Variants in DAB1 observed in about 807,000 individuals in gnomAD.
The protein encoded by DAB1 is DAB adaptor protein 1.
In DAB1, 15 loss-of-function variants were observed where a neutral mutation model predicts 64.6. The observed-to-expected ratio is 0.23, with a 90% CI of 0.16 to 0.36. The LOEUF (loss-of-function observed/expected upper bound fraction) is 0.36. Ranked by LOEUF, DAB1 falls within the 10% of genes least tolerant of loss-of-function variation. DAB1 has a pLI of 1.00. For missense variants in DAB1, 596 were observed against 706.7 expected (o/e 0.84, Z 1.78); for synonymous variants, 235 against 251.9 (o/e 0.93, Z 0.64).
intron 5 of DAB1, among the ~76,000 whole-genome samples, chr1:58,047,696 A>G (rs1647330214): frequency 6.6e-6 from 1 of 152,206 alleles, no homozygotes; most frequent in South Asian, 2.1e-4. Flanking sequence ...ACGCAATTCC[A>G]TACATGTGAG....
intron 3 of DAB1, among the ~76,000 whole-genome samples, chr1:58,414,080 A>G (rs1162535541): frequency 6.6e-6 from 1 of 152,254 alleles, no homozygotes; most frequent in Non-Finnish European, 1.5e-5. Flanking sequence ...ACATATCTAA[A>G]TATAGGAAAA....
At chr1:57,871,847 A>G (rs982030332) in intron 1 of DAB1, among the ~76,000 whole-genome samples, 1 of 152,118 alleles carries the variant, frequency 6.6e-6, no homozygotes, top group African/African-American at 2.4e-5. Flanking sequence ...AACTATATGC[A>G]CTACAGGAGT....
chr1:57,200,599 G>T (rs1032845168), intron 2 of DAB1, among the ~76,000 whole-genome samples: 2 of 152,006 alleles, frequency 1.3e-5, no homozygotes, highest in Admixed American at 1.3e-4. Context: ...GTGTGGTGAG[G>T]TCTAAATGAG....
chr1:57,941,963 A>C (rs1269088444), intron 5 of DAB1, among the ~76,000 whole-genome samples: 1 of 152,250 alleles, frequency 6.6e-6, no homozygotes, highest in East Asian at 1.9e-4. Flanking sequence ...TTAACAACTT[A>C]GAACCTCAGA....
At chr1:57,300,707 G>C (rs1673573718) in intron 1 of DAB1, among the ~76,000 whole-genome samples, 1 of 152,150 alleles carries the variant, frequency 6.6e-6, no homozygotes, top group African/African-American at 2.4e-5. Context: ...ACAACCCAAG[G>C]AGGCCCGAAG....
chr1:57,893,513 G>T (rs1432672349), intron 5 of DAB1, among the ~76,000 whole-genome samples: 2 of 152,172 alleles, frequency 1.3e-5, no homozygotes, highest in Non-Finnish European at 2.9e-5. Flanking sequence ...AGGCAGCCCT[G>T]GTCCCTGCCC....
At chr1:57,029,089 A>G (rs1646885480) in intron 9 of DAB1, among the ~76,000 whole-genome samples, 2 of 152,056 alleles carry the variant, frequency 1.3e-5, no homozygotes, top group Admixed American at 1.3e-4. Flanking sequence ...AGGAGGAAAA[A>G]GTGGTTTTGT....
intron 4 of DAB1, among the ~76,000 whole-genome samples, chr1:58,245,588 C>A (rs992285293): frequency 3.3e-5 from 5 of 152,030 alleles, no homozygotes; most frequent in Non-Finnish European, 7.4e-5. Context: ...AAAAGAGAGG[C>A]AACAAAATGA....
At chr1:57,563,743 G>A (rs1645081221) in intron 7 of DAB1, among the ~76,000 whole-genome samples, 1 of 152,192 alleles carries the variant, frequency 6.6e-6, no homozygotes, top group Admixed American at 6.5e-5. Context: ...GGCTGGGGGA[G>A]GGGCACCCAC....
chr1:58,198,222 T>C (rs974501180), intron 4 of DAB1, among the ~76,000 whole-genome samples: 1 of 152,218 alleles, frequency 6.6e-6, no homozygotes, highest in South Asian at 2.1e-4. Flanking sequence ...CCACCTTTTA[T>C]AGCAAACAAC....
intron 6 of DAB1, among the ~76,000 whole-genome samples, chr1:57,785,855 T>A (rs928937959): frequency 6.6e-6 from 1 of 152,182 alleles, no homozygotes; most frequent in Non-Finnish European, 1.5e-5. Context: ...TTTGAGAGGA[T>A]CTCTCCAATT....
chr1:57,425,718 TGGGA>T (rs2101105032), upstream of DAB1, among the ~76,000 whole-genome samples: 1 of 152,260 alleles, frequency 6.6e-6, no homozygotes, highest in African/African-American at 2.4e-5. Context: ...TCCAAAAAGG[TGGGA>T]GGGAGGTCCT....
chr1:57,517,038 A>G (rs896691749), intron 7 of DAB1, among the ~76,000 whole-genome samples: 3 of 152,282 alleles, frequency 2.0e-5, no homozygotes, highest in Non-Finnish European at 4.4e-5. Context: ...TTGATATATT[A>G]TTATTTTGAT....
intron 7 of DAB1, among the ~76,000 whole-genome samples, chr1:57,567,908 A>G (rs941348656): frequency 1.1e-4 from 16 of 152,340 alleles, no homozygotes; most frequent in African/African-American, 3.8e-4. Context: ...CTTTCTTCAC[A>G]GAATTGGAAA....
chr1:57,715,768 T>A (rs2101751066), intron 6 of DAB1, among the ~76,000 whole-genome samples: 1 of 152,030 alleles, frequency 6.6e-6, no homozygotes, highest in African/African-American at 2.4e-5. Flanking sequence ...TATAAAATCA[T>A]GAAAAAAAAT....
intron 3 of DAB1, among the ~76,000 whole-genome samples, chr1:58,366,371 G>A (rs1357155820): frequency 2.0e-5 from 3 of 152,198 alleles, no homozygotes; most frequent in Non-Finnish European, 4.4e-5. Flanking sequence ...GGATCCACTA[G>A]TTATATCACA....
chr1:57,010,577 G>A (rs182338635), intron 14 of DAB1, 103 bp downstream of exon 14: 25 of 563,594 alleles, frequency 4.4e-5, no homozygotes, highest in Admixed American at 1.7e-4. Flanking sequence ...CAGGCAAGGA[G>A]ACATGGTGCA....
At chr1:57,076,255 G>A (rs899986722) in intron 4 of DAB1, among the ~76,000 whole-genome samples, 49 of 152,190 alleles carry the variant, frequency 3.2e-4, no homozygotes, top group Admixed American at 2.5e-3. Context: ...AATACCGGCC[G>A]GAGTGGGAGG....
intron 4 of DAB1, among the ~76,000 whole-genome samples, chr1:58,181,732 T>C (rs558452039): frequency 5.0e-4 from 76 of 151,158 alleles, no homozygotes; most frequent in Non-Finnish European, 6.9e-4. Flanking sequence ...TTCTTTCTCC[T>C]TCTTTGTGTT....
Sources: gnomAD v4.1 joint callset for allele counts (sites outside exome capture counted in the v4.1 genomes callset) on GRCh38, gnomAD v4.1.1 for gene constraint, MANE v1.5 for transcripts, NCBI Gene and HGNC (gene_info 2026-07-23, HGNC 2026-07-21) for gene names.